The following SHE variants were observed in gnomAD, a reference collection of about 807,000 sequenced individuals.
SHE encodes the protein Src homology 2 domain containing E.
In SHE, 11 loss-of-function variants were observed where a neutral mutation model predicts 49.8. The observed-to-expected ratio is 0.22, with a 90% confidence interval of 0.14 to 0.37. SHE has a LOEUF of 0.37. Among genes scored for constraint, SHE ranks in the 10% least tolerant of loss-of-function variants. SHE has a pLI of 1.00. For missense variants in SHE, 624 were observed against 655.5 expected (o/e 0.95, Z 0.52); for synonymous variants, 310 against 278.1 (o/e 1.11, Z -1.14).
chr1:154,498,300 T>G (rs1392225755), intron 2 of SHE, among the ~76,000 whole-genome samples: 1 of 152,010 alleles, frequency 6.6e-6, no homozygotes, highest in Non-Finnish European at 1.5e-5. Context: ...TTCTCCATGT[T>G]GGTCAGGCTG....
rs966827628 is a variant in SHE, at chr1:154,482,616, T to C, written c.*1533A>G. 1 of 985,358 alleles carries C rather than the reference T, an allele frequency of 1.0e-6. No individual in the cohort carries two copies. The highest frequency in any genetic ancestry group is 1.7e-5 in the African/African-American group (1 of 57,264). The allele number at this position is 985,358 out of a possible 1,614,324, so 61.0% of individuals were successfully genotyped here. A position where few individuals can be genotyped will look rare whatever the true frequency, so the allele number is the denominator to read the frequency against. ...GAGACCCAAATGACCAACCCCAGAA[T>C]ACAGACACATCTGCTGAATTTTAAT... On this transcript the variant is annotated 3_prime_UTR_variant, in exon 6 of 6. Transcript: ENST00000304760.
At position 154,483,012 on chromosome 1, in the gene SHE, C is replaced by T. The variant is rs918520281; in HGVS notation, c.*1137G>A. 1.0e-6 allele frequency: 1 copy of T among 984,452 alleles called. No individual in the cohort carries two copies. The highest frequency in any genetic ancestry group is 1.2e-6 in the Non-Finnish European group (1 of 829,174). The allele number at this position is 984,452 out of a possible 1,614,324, so 61.0% of individuals were successfully genotyped here. A position where few individuals can be genotyped will look rare whatever the true frequency, so the allele number is the denominator to read the frequency against. On this transcript the variant is annotated 3_prime_UTR_variant, in exon 6 of 6. Coordinates refer to ENST00000304760, the MANE Select transcript of SHE (RefSeq NM_001010846.3). ...TGATGAAACAAAAGACATCGAAGTTCTATGTAATTAATTCAGTAAAAAAAC... is the reference window on the plus strand; with the variant it reads ...TGATGAAACAAAAGACATCGAAGTTTTATGTAATTAATTCAGTAAAAAAAC...
intron 1 of SHE, among the ~76,000 whole-genome samples, chr1:154,473,160 G>A (rs758563718): frequency 6.6e-5 from 10 of 151,826 alleles, no homozygotes; most frequent in Non-Finnish European, 1.2e-4. Flanking sequence ...CACCATGCTC[G>A]GCTAATTTTT....
intron 2 of SHE, among the ~76,000 whole-genome samples, chr1:154,498,358 A>G (rs1202783108): frequency 6.9e-6 from 1 of 145,212 alleles, no homozygotes; most frequent in Non-Finnish European, 1.5e-5. Flanking sequence ...GACCTCCCAA[A>G]GTGCTGGGAT....
rs1370373788 is a variant in SHE, at chr1:154,499,217, C to A, written c.613G>T (p.Ala205Ser). The A allele has an allele frequency of 6.2e-7, 1 of 1,613,782 alleles. No individual in the cohort carries two copies. Among genetic ancestry groups the A allele is most frequent in the Admixed American group, 1.7e-5 (1 of 59,938 alleles). ...QETVIILEDY[A>S]DPYDAKRTKG... The stretch of plus-strand genomic sequence containing the variant: ...GTCCGTTTGGCATCATAAGGGTCAG[C>A]ATAGTCTTCTAAAATGATGACCTGA... The change falls in exon 2 of 6, where the codon GCT becomes TCT. Residue 205 changes from alanine to serine, a missense_variant. By Grantham distance (99) the Ala-to-Ser change is moderately conservative. Coordinates refer to ENST00000304760, the MANE Select transcript of SHE (RefSeq NM_001010846.3).
Position 154,480,492 on chromosome 1 carries a change from A to T in SHE, c.*3657T>A. On this transcript the variant is annotated 3_prime_UTR_variant, in exon 6 of 6. Coordinates refer to ENST00000304760, the MANE Select transcript of SHE (RefSeq NM_001010846.3). The stretch of plus-strand genomic sequence containing the variant: ...AGTAACAGAGTTACATAATCCAATT[A>T]ACAAATTAGGACAATTTCCCACCAC... 3.0e-6 allele frequency: 3 copies of T among 985,506 alleles called. No individual in the cohort carries two copies. The highest frequency in any genetic ancestry group is 3.6e-6 in the Non-Finnish European group (3 of 829,936). 61.0% of individuals were successfully genotyped at this position (985,506 alleles called of 1,614,324 possible).
Position 154,483,636 on chromosome 1 carries a change from AG to A in SHE, c.*512del. 1.0e-6 allele frequency: 1 copy of A among 986,128 alleles called. No individual in the cohort carries two copies. The highest frequency in any genetic ancestry group is 1.2e-6 in the Non-Finnish European group (1 of 830,458). The allele number at this position is 986,128 out of a possible 1,614,324, so 61.1% of individuals were successfully genotyped here. A position where few individuals can be genotyped will look rare whatever the true frequency, so the allele number is the denominator to read the frequency against. On this transcript the variant is annotated 3_prime_UTR_variant, in exon 6 of 6. Coordinates refer to ENST00000304760, the MANE Select transcript of SHE (RefSeq NM_001010846.3). ...CAGCTAAATCATGATTTCTTATTGT[AG>A]AACTACTTAGCAAGGAAACAAGGGA...
intron 2 of SHE, among the ~76,000 whole-genome samples, chr1:154,492,664 A>T (rs534117070): frequency 6.6e-6 from 1 of 152,366 alleles, no homozygotes; most frequent in East Asian, 1.9e-4. Flanking sequence ...TCTTGGTTCA[A>T]TTAAGACAAG....
chr1:154,472,143 A>T (rs80231050), intron 1 of SHE, among the ~76,000 whole-genome samples: 4 of 147,650 alleles, frequency 2.7e-5, no homozygotes, highest in African/African-American at 9.9e-5. Context: ...AAAAAAAAAA[A>T]TTATCAGAAG....
chr1:154,501,748 C>G lies in SHE; in HGVS notation c.279G>C (p.Arg93Ser). ...GGCTGTCCTTGGGGCCGACGCCGGC[C>G]CTGCCGCTCCCCAGCTCGGCCGCCG... ...KNSAAELGSG[R>S]AGVGPKDSRL... The change falls in exon 1 of 6, where the codon AGG becomes AGC. Residue 93 changes from arginine (R) to serine (S), a missense_variant. Arg to Ser is a moderately radical substitution (Grantham distance 110). Around this residue, in one of 4 missense-constraint regions of SHE, gnomAD observed 337 missense variants for 306.0 expected, o/e 1.10. Coordinates refer to ENST00000304760, the MANE Select transcript of SHE (RefSeq NM_001010846.3). 6.4e-7 allele frequency: 1 copy of G among 1,574,722 alleles called. No individual in the cohort carries two copies.
Position 154,483,635 on chromosome 1 carries a change from T to C in SHE, c.*514A>G, listed in dbSNP as rs1692082274. The C allele has an allele frequency of 5.1e-6, 5 of 986,092 alleles. No individual in the cohort carries two copies. The highest frequency in any genetic ancestry group is 5.2e-4 in the Middle Eastern group (1 of 1,914). The allele number at this position is 986,092 out of a possible 1,614,324, so 61.1% of individuals were successfully genotyped here. A position where few individuals can be genotyped will look rare whatever the true frequency, so the allele number is the denominator to read the frequency against. ...ACAGCTAAATCATGATTTCTTATTG[T>C]AGAACTACTTAGCAAGGAAACAAGG... On this transcript the variant is annotated 3_prime_UTR_variant, in exon 6 of 6. Transcript: ENST00000304760.
intron 2 of SHE, among the ~76,000 whole-genome samples, chr1:154,497,559 A>G (rs565189098): frequency 2.0e-5 from 3 of 152,282 alleles, no homozygotes; most frequent in Non-Finnish European, 4.4e-5. Context: ...GACACTAAGA[A>G]TGACAGAGTG....
At chr1:154,487,971 ACT>A (rs1241774925) in intron 3 of SHE, among the ~76,000 whole-genome samples, 1 of 145,158 alleles carries the variant, frequency 6.9e-6, no homozygotes, top group Non-Finnish European at 1.5e-5. Flanking sequence ...ATGGAGTCTC[ACT>A]CTGTCACCCA....
intron 2 of SHE, among the ~76,000 whole-genome samples, chr1:154,497,521 G>A (rs1658505636): frequency 1.3e-5 from 2 of 152,204 alleles, no homozygotes; most frequent in Non-Finnish European, 2.9e-5. Flanking sequence ...ATCAACTTAA[G>A]AGAATTATGA....
Position 154,489,259 on chromosome 1 carries a change from G to C in SHE, c.816C>G (p.Thr272=). Residue 272 remains threonine (T), a synonymous_variant, in exon 3 of 6, where the codon ACC becomes ACG. Transcript: ENST00000304760. ...CCTTGGAACTCCGTCTTTTGGCCAA[G>C]GTCTCTGATTTCAGGCCACCGTCTG... ...EPADGGLKSE[T]LAKRRSSKDL... is the part of the protein sequence containing the mutation. 1 of 1,614,188 alleles carries C rather than the reference G, an allele frequency of 6.2e-7. No homozygotes were observed. The highest frequency in any genetic ancestry group is 8.5e-7 in the Non-Finnish European group (1 of 1,180,028).
At chr1:154,478,244 G>C (rs1027982329), downstream of SHE, among the ~76,000 whole-genome samples, 5 of 152,116 alleles carry the variant, frequency 3.3e-5, no homozygotes, top group Admixed American at 3.3e-4. Context: ...AAGCGCTGCT[G>C]ATGTGCAACA....
At chr1:154,472,946 G>A (rs2149286161) in intron 1 of SHE, among the ~76,000 whole-genome samples, 1 of 152,224 alleles carries the variant, frequency 6.6e-6, no homozygotes, top group African/African-American at 2.4e-5. Context: ...GGGATGGCTT[G>A]AGGCCAGGAG....
At chr1:154,471,680 ACTCTCT>A (rs139560920) in intron 1 of SHE, among the ~76,000 whole-genome samples, 3,640 of 148,754 alleles carry the variant, frequency 0.024, 78 homozygotes, top group African/African-American at 0.061. Flanking sequence ...GTTTTTCAGT[ACTCTCT>A]CTCTCTCTCT....
chr1:154,484,098 T>C lies in SHE; in HGVS notation c.*51A>G, dbSNP rs1200940194. Reference sequence around the variant, plus strand: ...GTCCTCTGAGATGCTGGTTGTGCGCTGATGATGCCCTTGAAGGTGCCAGAG... The same window carrying C: ...GTCCTCTGAGATGCTGGTTGTGCGCCGATGATGCCCTTGAAGGTGCCAGAG... On this transcript the variant is annotated 3_prime_UTR_variant, in exon 6 of 6. Transcript: ENST00000304760. The C allele has an allele frequency of 1.3e-6, 2 of 1,583,170 alleles. No individual in the cohort carries two copies. Among genetic ancestry groups the C allele is most frequent in the Non-Finnish European group, 1.7e-6 (2 of 1,160,078 alleles).
Sources: allele counts gnomAD v4.1 joint callset (sites outside exome capture counted in the v4.1 genomes callset), GRCh38; gene constraint gnomAD v4.1.1; regional missense constraint gnomAD v4.1.1; transcripts MANE v1.5; gene names NCBI Gene and HGNC (gene_info 2026-07-23, HGNC 2026-07-21).